The following USP9X variants were observed in gnomAD, a reference collection of about 807,000 sequenced individuals.
USP9X encodes the protein ubiquitin carboxyl-terminal hydrolase 9X.
Under a neutral mutation model 190.3 loss-of-function variants are expected in USP9X, and 7 were observed. The ratio of observed to expected loss-of-function variants is 0.04; its 90% CI spans 0.02 to 0.07. The LOEUF (loss-of-function observed/expected upper bound fraction) is 0.07, where lower values mean the gene tolerates loss of function less well. Ranked by LOEUF, USP9X falls within the 10% of genes least tolerant of loss-of-function variation. USP9X has a pLI of 1.00. For synonymous variants in USP9X, 645 were observed against 659.5 expected (o/e 0.98, Z 0.34); for missense variants, 1,010 against 1,916.9 (o/e 0.53, Z 8.83).
intron 43 of USP9X, among the ~76,000 whole-genome samples, chrX:41,230,204 A>G (rs1421415498): frequency 8.9e-6 from 1 of 111,848 alleles, no homozygotes; most frequent in Non-Finnish European, 1.9e-5. Context: ...TCCATCTCAA[A>G]AAAAGAAAAG....
rs1292229831 is a variant in USP9X at position 41,173,639 on chromosome X, AC to A, written c.3148+1682del. 2.7e-5 allele frequency among the ~76,000 whole-genome samples: 3 copies of A among 111,702 alleles called. No homozygotes were observed. In the Admixed American group the frequency reaches 2.9e-4, roughly 11 times the overall value. On this transcript the variant is annotated intron_variant, in intron 21 of 44. Coordinates refer to ENST00000378308, the MANE Select transcript of USP9X (RefSeq NM_001039591.3). ...TTCATTACTGCCATCTACTTAGCAGACTCTATTGAGTGTTTTCAGTTATCTC... is the reference window on the plus strand; with the variant it reads ...TTCATTACTGCCATCTACTTAGCAGATCTATTGAGTGTTTTCAGTTATCTC...
In USP9X at chrX:41,165,879, T is replaced by C; in HGVS notation, c.1993T>C (p.Leu665=). The C allele has an allele frequency of 8.3e-7, 1 of 1,200,393 alleles. No homozygotes were observed. Among genetic ancestry groups the C allele is most frequent in the Non-Finnish European group, 1.1e-6 (1 of 890,998 alleles). Reference sequence around the variant, plus strand: ...TTTCAATGTTTTTTCAAGATTTTTATTGAAGGATGGTCAGCTGTGGCTATG... The same window carrying C: ...TTTCAATGTTTTTTCAAGATTTTTACTGAAGGATGGTCAGCTGTGGCTATG... ...QERLNFLRFL[L]KDGQLWLCAP... is the part of the protein sequence containing the mutation. Residue 665 remains leucine, a synonymous_variant, in exon 16 of 45, where the codon TTG becomes CTG. Coordinates refer to ENST00000378308, the MANE Select transcript of USP9X (RefSeq NM_001039591.3).
intron 1 of USP9X, among the ~76,000 whole-genome samples, chrX:41,093,967 A>G (rs924579539): frequency 4.5e-5 from 5 of 111,580 alleles, no homozygotes; most frequent in Non-Finnish European, 9.4e-5. Context: ...TATGTACAGC[A>G]TTTGTCCAGA....
intron 2 of USP9X, among the ~76,000 whole-genome samples, chrX:41,125,680 A>ACTCT (rs1270231301): frequency 0.018 from 473 of 26,402 alleles, 2 homozygotes; most frequent in East Asian, 0.064. Context: ...ACACACACAC[A>ACTCT]CACACTCTCT....
rs752118737 is a variant in USP9X at position 41,126,103 on chromosome X, T to C, written c.96+2379T>C. ...TGTCCAGCTATTACAGATTAGATAT[T>C]CTATCGTAAGTAGTATAGAAAAGAG... On this transcript the variant is annotated intron_variant, in intron 2 of 44. Transcript: ENST00000378308. Among the ~76,000 whole-genome samples the C allele has an allele frequency of 5.4e-5, 6 of 112,058 alleles. No homozygotes were observed. The East Asian group carries it at 1.4e-3, about 26-fold the overall frequency.
intron 6 of USP9X, among the ~76,000 whole-genome samples, chrX:41,140,368 A>G (rs1015018857): frequency 2.7e-5 from 3 of 111,759 alleles, no homozygotes; most frequent in African/African-American, 3.2e-5. Flanking sequence ...TCATTCTTAT[A>G]TGGTGGGATA....
intron 41 of USP9X, among the ~76,000 whole-genome samples, chrX:41,227,746 G>A (rs2063326543): frequency 1.8e-5 from 2 of 110,212 alleles, no homozygotes; most frequent in African/African-American, 6.6e-5. Context: ...TGTCACCCAG[G>A]CTGGAGTGCA....
intron 18 of USP9X, among the ~76,000 whole-genome samples, chrX:41,169,702 C>T (rs765446497): frequency 3.6e-5 from 4 of 110,631 alleles, no homozygotes; most frequent in Admixed American, 2.9e-4. Flanking sequence ...GTGATCCACC[C>T]GCCTCGGCCT....
chrX:41,217,419 C>G (rs1475595238), intron 36 of USP9X, 76 bp downstream of exon 36: 8 of 1,044,681 alleles, frequency 7.7e-6, no homozygotes, highest in African/African-American at 1.9e-5. Flanking sequence ...TTATGTTTTT[C>G]TAAACCAAGA....
chrX:41,134,629 T>C (rs2062355385), intron 4 of USP9X, 96 bp from the exon 5 acceptor site: 1 of 675,617 alleles, frequency 1.5e-6, no homozygotes, highest in African/African-American at 2.2e-5. Flanking sequence ...GTCGGTGAAG[T>C]TTCCAGTTAT....
At chrX:41,167,973 T>A in intron 17 of USP9X, 34 bp from the exon 18 acceptor site, 1 of 1,157,119 alleles carries the variant, frequency 8.6e-7, no homozygotes, top group African/African-American at 1.8e-5. Flanking sequence ...TTTAAAGCAA[T>A]TTTAACTGTG....
At chrX:41,165,731 T>C in intron 15 of USP9X, 141 bp from the exon 16 acceptor site, 1 of 522,395 alleles carries the variant, frequency 1.9e-6, no homozygotes, top group Non-Finnish European at 3.0e-6. Flanking sequence ...AGTAGAGAAA[T>C]AGGTTATTTT....
At chrX:41,095,493 C>T (rs1238548713) in intron 1 of USP9X, among the ~76,000 whole-genome samples, 1 of 112,361 alleles carries the variant, frequency 8.9e-6, no homozygotes, top group Non-Finnish European at 1.9e-5. Flanking sequence ...TGTCTTCAGA[C>T]ATTGCCAGTT....
At chrX:41,148,244 T>G in intron 11 of USP9X, 125 bp from the exon 12 acceptor site, 1 of 670,424 alleles carries the variant, frequency 1.5e-6, no homozygotes. Context: ...TTTTCAGATC[T>G]CACTTGAATC....
intron 15 of USP9X, among the ~76,000 whole-genome samples, chrX:41,164,851 A>C (rs1473372898): frequency 8.9e-6 from 1 of 111,806 alleles, no homozygotes. Context: ...CTTACGTAGG[A>C]GCTTTAGGGC....
intron 41 of USP9X, among the ~76,000 whole-genome samples, chrX:41,227,849 C>T (rs1439747331): frequency 4.5e-5 from 5 of 111,264 alleles, no homozygotes; most frequent in Non-Finnish European, 9.4e-5. Context: ...TACAGGTGCC[C>T]GCCACCATGC....
chrX:41,115,243 A>AAAAAG (rs1491357232), intron 1 of USP9X, among the ~76,000 whole-genome samples: 13 of 37,972 alleles, frequency 3.4e-4, no homozygotes, highest in African/African-American at 5.9e-4. Flanking sequence ...AAAGAAAAAG[A>AAAAAG]AAAAAAAAAA....
chrX:41,130,810 C>A (rs773705135), intron 3 of USP9X, among the ~76,000 whole-genome samples: 1 of 104,757 alleles, frequency 9.5e-6, no homozygotes, highest in South Asian at 4.3e-4. Flanking sequence ...ACTGCAACCT[C>A]CGCCTCCCAG....
intron 13 of USP9X, among the ~76,000 whole-genome samples, chrX:41,152,183 TATAGAG>T (rs753295485): frequency 4.5e-5 from 5 of 112,085 alleles, no homozygotes; most frequent in East Asian, 5.5e-4. Flanking sequence ...TTGGAAAAGC[TATAGAG>T]ATAAACACTG....
Sources: gnomAD v4.1 joint callset for allele counts (sites outside exome capture counted in the v4.1 genomes callset) on GRCh38, gnomAD v4.1.1 for gene constraint, MANE v1.5 for transcripts, NCBI Gene and HGNC (gene_info 2026-07-23, HGNC 2026-07-21) for gene names.